Variants in TNRC18 observed in about 807,000 individuals in gnomAD.
TNRC18 encodes the protein trinucleotide repeat-containing gene 18 protein.
In TNRC18, 69 loss-of-function variants were observed where a neutral mutation model predicts 226.7. The ratio of observed to expected loss-of-function variants is 0.30; its 90% CI spans 0.25 to 0.37. The LOEUF (loss-of-function observed/expected upper bound fraction) is 0.37, where lower values mean the gene tolerates loss of function less well. TNRC18 is among the 10% of genes least tolerant of loss of function. The probability of loss-of-function intolerance (pLI) is 1.00; values close to 1 mark genes in which losing one functional copy is unlikely to be tolerated. For missense variants in TNRC18, 4,754 were observed against 4,256.6 expected (o/e 1.12, Z -3.25); for synonymous variants, 2,449 against 1,927.6 (o/e 1.27, Z -7.09).
chr7:5,414,338 T>G (rs1782026316), intron 2 of TNRC18, among the ~76,000 whole-genome samples: 1 of 150,908 alleles, frequency 6.6e-6, no homozygotes, highest in Admixed American at 6.6e-5. Context: ...AAATAGATAT[T>G]TTTTCTTTTC....
In TNRC18 at chr7:5,377,883, G is replaced by C. The variant is rs1583983703; in HGVS notation, c.2255+39C>G. On this transcript the variant is annotated intron_variant, in intron 6 of 29. Coordinates refer to ENST00000430969, the MANE Select transcript of TNRC18 (RefSeq NM_001080495.3). The surrounding 1 kb of genome is among the most constrained non-coding windows in gnomAD (Gnocchi z 5.8). Reference sequence around the variant, plus strand: ...TGCCCCTCACCCCCAGGGGCTCCTAGATACCCCCTAGACCCTCAGGATCCC... The same window carrying C: ...TGCCCCTCACCCCCAGGGGCTCCTACATACCCCCTAGACCCTCAGGATCCC... The C allele has an allele frequency of 4.4e-6, 7 of 1,589,174 alleles. No homozygotes were observed. In the South Asian group the frequency reaches 4.4e-5, roughly 10 times the overall value.
chr7:5,338,699 T>C lies in TNRC18; in HGVS notation c.5720-5650A>G, dbSNP rs138313138. Among the ~76,000 whole-genome samples, 382 of 149,054 alleles carry C rather than the reference T, an allele frequency of 2.6e-3. 3 individuals carry two copies. Among genetic ancestry groups the C allele is most frequent in the African/African-American group, 9.1e-3 (367 of 40,524 alleles). On this transcript the variant is annotated intron_variant, in intron 18 of 29. Coordinates refer to ENST00000430969, the MANE Select transcript of TNRC18 (RefSeq NM_001080495.3). The stretch of plus-strand genomic sequence containing the variant: ...ATTTTGGGAGGCCAAGGCAGGCAGA[T>C]CACGTGAGGTCGGGAGTTTGAGACC...
At position 5,315,020 on chromosome 7, in the gene TNRC18, C is replaced by T; in HGVS notation, c.6991G>A (p.Gly2331Arg). The T allele has an allele frequency of 6.2e-7, 1 of 1,608,586 alleles. No homozygotes were observed. Among genetic ancestry groups the T allele is most frequent in the Non-Finnish European group, 8.5e-7 (1 of 1,178,124 alleles). The change falls in exon 26 of 30, where the codon GGG (glycine) becomes AGG (arginine). Residue 2331 changes from glycine to arginine, a missense_variant. By Grantham distance (125) the Gly-to-Arg change is moderately radical. Coordinates refer to ENST00000430969, the MANE Select transcript of TNRC18 (RefSeq NM_001080495.3). ...TTGGCGCTGGGTTTCCGCCCACGCC[C>T]ACGGGCCTTGGCTCCTGGCTCCTCC... ...GSEEPGAKAR[G>R]RGRKPSAKAK...
chr7:5,396,826 G>C (rs1389548030), intron 2 of TNRC18, among the ~76,000 whole-genome samples: 3 of 152,148 alleles, frequency 2.0e-5, no homozygotes, highest in Non-Finnish European at 4.4e-5. Flanking sequence ...GCCTGTGGGA[G>C]CTCACAGATC....
chr7:5,329,100 C>T (rs1789241039), intron 19 of TNRC18, among the ~76,000 whole-genome samples: 1 of 151,804 alleles, frequency 6.6e-6, no homozygotes, highest in African/African-American at 2.4e-5. Context: ...GTCAGGAGTT[C>T]GAGACGAGAC....
intron 26 of TNRC18, among the ~76,000 whole-genome samples, chr7:5,314,187 G>C (rs2128106214): frequency 6.6e-6 from 1 of 152,044 alleles, no homozygotes; most frequent in South Asian, 2.1e-4. Context: ...GCCCAGGCTG[G>C]TCTTAAACTC....
Position 5,308,323 on chromosome 7 carries a change from G to C in TNRC18, c.8701-11C>G. 1 of 1,603,706 alleles carries C rather than the reference G, an allele frequency of 6.2e-7. No individual in the cohort carries two copies. The highest frequency in any genetic ancestry group is 8.5e-7 in the Non-Finnish European group (1 of 1,175,490). The stretch of plus-strand genomic sequence containing the variant: ...CTGGTATAGCGCGCGCTGCGGGCAC[G>C]CGGGGATATCAGGATGGCAGGTGGG... On this transcript the variant is annotated splice_polypyrimidine_tract_variant and intron_variant, in intron 29 of 29. Coordinates refer to ENST00000430969, the MANE Select transcript of TNRC18 (RefSeq NM_001080495.3).
At chr7:5,400,185 T>C (rs956312751) in intron 2 of TNRC18, among the ~76,000 whole-genome samples, 18 of 151,558 alleles carry the variant, frequency 1.2e-4, no homozygotes, top group African/African-American at 3.9e-4. Context: ...ACCTGAGCCA[T>C]TGAGCCTGGT....
At position 5,316,068 on chromosome 7, in the gene TNRC18, T is replaced by C; in HGVS notation, c.6750A>G (p.Leu2250=). ...AGTCCCCATCGTCCTCCAGGTCCAGTAACCCTGTGGGAAGAGGGGAGGCTC... is the reference window on the plus strand; with the variant it reads ...AGTCCCCATCGTCCTCCAGGTCCAGCAACCCTGTGGGAAGAGGGGAGGCTC... ...CLYPGTVVRG[L]LDLEDDGDLI... Residue 2250 remains leucine, a synonymous_variant, in exon 25 of 30, where the codon TTA becomes TTG. Coordinates refer to ENST00000430969, the MANE Select transcript of TNRC18 (RefSeq NM_001080495.3). The C allele has an allele frequency of 5.6e-6, 9 of 1,611,096 alleles. No homozygotes were observed. The highest frequency in any genetic ancestry group is 6.8e-6 in the Non-Finnish European group (8 of 1,178,654).
At chr7:5,373,918 C>T (rs921434161) in intron 10 of TNRC18, 137 bp downstream of exon 10, 10 of 620,008 alleles carry the variant, frequency 1.6e-5, no homozygotes, top group South Asian at 5.7e-5. Context: ...CAGTGTCTGG[C>T]GGCAGGCCTG....
At chr7:5,390,999 G>C (rs73673126) in intron 3 of TNRC18, among the ~76,000 whole-genome samples, 23,063 of 152,136 alleles carry the variant, frequency 0.15, 2,646 homozygotes, top group African/African-American at 0.31. Context: ...TTAAAGACGA[G>C]AAAACTCAGA....
chr7:5,374,381 G>C lies in TNRC18; in HGVS notation c.2903C>G (p.Pro968Arg). The change falls in exon 10 of 30, where the codon CCC becomes CGC. Residue 968 changes from proline (P) to arginine (R), a missense_variant. By Grantham distance (103) the Pro-to-Arg change is moderately radical. Transcript: ENST00000430969. ...AGGGGGCTTCCGCGGCAGCAGCCCG[G>C]GGCCGGCGGTGGCCAGGCCAGCCTT... Reference protein sequence around the residue: ...AGKAGLATAGPGLLPRKPPGL... With the variant: ...AGKAGLATAGRGLLPRKPPGL... 6.6e-7 allele frequency: 1 copy of C among 1,508,324 alleles called. No homozygotes were observed. 93.4% of individuals were successfully genotyped at this position (1,508,324 alleles called of 1,614,324 possible).
chr7:5,392,490 T>G (rs1034299263), intron 3 of TNRC18, among the ~76,000 whole-genome samples: 2 of 152,138 alleles, frequency 1.3e-5, no homozygotes, highest in African/African-American at 4.8e-5. Context: ...GGCGCACGCC[T>G]GTAATCCCAG....
chr7:5,377,578 TG>T lies in TNRC18; in HGVS notation c.2256-3del. Reference sequence around the variant, plus strand: ...AGGTCAGCCAGCTCCTTACTCTCTCTGGAAGGAGGATCATAGGTGTCAGCGA... The same window carrying T: ...AGGTCAGCCAGCTCCTTACTCTCTCTGAAGGAGGATCATAGGTGTCAGCGA... On this transcript the variant is annotated splice_polypyrimidine_tract_variant and splice_region_variant and intron_variant, in intron 6 of 29. Coordinates refer to ENST00000430969, the MANE Select transcript of TNRC18 (RefSeq NM_001080495.3). The surrounding 1 kb of genome is among the most constrained non-coding windows in gnomAD (Gnocchi z 5.8). 1.3e-6 allele frequency: 2 copies of T among 1,574,372 alleles called. No homozygotes were observed. The highest frequency in any genetic ancestry group is 1.9e-5 in the Admixed American group (1 of 53,592).
At chr7:5,373,638 C>G (rs1289759503) in intron 10 of TNRC18, among the ~76,000 whole-genome samples, 1 of 152,186 alleles carries the variant, frequency 6.6e-6, no homozygotes, top group Non-Finnish European at 1.5e-5. Flanking sequence ...TGCAGGTCCC[C>G]TCTGATGCAG....
At chr7:5,311,773 G>T (rs1446813469) in intron 27 of TNRC18, among the ~76,000 whole-genome samples, 1 of 151,892 alleles carries the variant, frequency 6.6e-6, no homozygotes. Context: ...AGCCACGATG[G>T]CACCGCTGCA....
chr7:5,355,292 A>C (rs1014561479), intron 16 of TNRC18, among the ~76,000 whole-genome samples: 1 of 152,262 alleles, frequency 6.6e-6, no homozygotes, highest in African/African-American at 2.4e-5. Flanking sequence ...TAAATGAGAT[A>C]AAACTCCATT....
chr7:5,377,856 G>T lies in TNRC18; in HGVS notation c.2255+66C>A. 6.6e-7 allele frequency: 1 copy of T among 1,510,770 alleles called. No homozygotes were observed. The highest frequency in any genetic ancestry group is 9.2e-7 in the Non-Finnish European group (1 of 1,092,874). The allele number at this position is 1,510,770 out of a possible 1,614,324, so 93.6% of individuals were successfully genotyped here. ...GGCCAAGCCCACCTGGGGTCATCCA[G>T]CTGCCCCTCACCCCCAGGGGCTCCT... On this transcript the variant is annotated intron_variant, in intron 6 of 29. Transcript: ENST00000430969. This position sits in a 1 kb window ranked among gnomAD's most constrained non-coding sequence, Gnocchi z 5.8.
At chr7:5,357,989 G>A (rs1305840039) in intron 15 of TNRC18, among the ~76,000 whole-genome samples, 1 of 152,164 alleles carries the variant, frequency 6.6e-6, no homozygotes, top group South Asian at 2.1e-4. Context: ...GAAGTACTTC[G>A]ACCAAGTGCT....
Sources: allele counts gnomAD v4.1 joint callset (sites outside exome capture counted in the v4.1 genomes callset), GRCh38; gene constraint gnomAD v4.1.1; non-coding constraint Gnocchi (gnomAD v3.1); transcripts MANE v1.5; gene names NCBI Gene and HGNC (gene_info 2026-07-23, HGNC 2026-07-21).